DIP2B: variants seen among roughly 807,000 people sequenced by gnomAD.
DIP2B encodes the protein disco-interacting protein 2 homolog B.
A neutral mutation model predicts 198.0 loss-of-function variants in DIP2B; 76 were observed. That is an observed-to-expected ratio of 0.38 (90% confidence interval 0.32 to 0.46). The LOEUF (loss-of-function observed/expected upper bound fraction) is 0.46. Among genes scored for constraint, DIP2B ranks in the 20% least tolerant of loss-of-function variants. DIP2B has a pLI of 0.99. For missense variants in DIP2B, 1,559 were observed against 1,978.4 expected, an observed-to-expected ratio of 0.79 and a Z score of 4.02; for synonymous variants, 701 against 739.1, an observed-to-expected ratio of 0.95 and a Z score of 0.84.
chr12:50,648,702 C>G (rs10431535), intron 3 of DIP2B, among the ~76,000 whole-genome samples: 41,752 of 134,648 alleles, frequency 0.31, 6,219 homozygotes, highest in East Asian at 0.43. Flanking sequence ...GTTCTTCCCC[C>G]CCCCCTCCTT....
intron 11 of DIP2B, 122 bp downstream of exon 11, chr12:50,686,078 T>C (rs1939125568): frequency 1.9e-6 from 2 of 1,050,304 alleles, no homozygotes; most frequent in African/African-American, 1.6e-5. Context: ...CATAGTCTTA[T>C]GAAGTAGGTA....
chr12:50,638,472 T>G (rs758822879), intron 2 of DIP2B, among the ~76,000 whole-genome samples: 4 of 152,248 alleles, frequency 2.6e-5, no homozygotes, highest in Admixed American at 1.3e-4. Flanking sequence ...ATTACTTTAT[T>G]TGGACTGAAG....
intron 3 of DIP2B, among the ~76,000 whole-genome samples, chr12:50,642,703 G>A (rs1328952902): frequency 1.3e-5 from 2 of 152,228 alleles, no homozygotes; most frequent in East Asian, 3.9e-4. Flanking sequence ...GCAGGAGAAT[G>A]GCGTGAACCT....
At chr12:50,714,339 T>C in intron 22 of DIP2B, 56 bp from the exon 23 acceptor site, 1 of 1,596,624 alleles carries the variant, frequency 6.3e-7, no homozygotes, top group Non-Finnish European at 8.6e-7. Flanking sequence ...ATACCAGGAA[T>C]ATGTCAAATG....
chr12:50,610,651 G>A (rs1593654484), intron 1 of DIP2B, among the ~76,000 whole-genome samples: 2 of 151,872 alleles, frequency 1.3e-5, no homozygotes, highest in East Asian at 1.9e-4. Context: ...GAATACAGGC[G>A]CCCGCCGCCA....
At chr12:50,659,599 G>C (rs959966191) in intron 3 of DIP2B, among the ~76,000 whole-genome samples, 3 of 151,730 alleles carry the variant, frequency 2.0e-5, no homozygotes, top group Admixed American at 2.0e-4. Flanking sequence ...TGTTAATTTT[G>C]AGATTCCTAT....
rs200139900 is a variant in DIP2B at position 50,732,363 on chromosome 12, C to T, written c.3811-3C>T. ...TTGGCTCCCATATAATGGTGTCTTG[C>T]AGACCAGAGGGATCAACCTCTCCTG... On this transcript the variant is annotated splice_region_variant and splice_polypyrimidine_tract_variant and intron_variant, in intron 31 of 37. Coordinates refer to ENST00000301180, the MANE Select transcript of DIP2B (RefSeq NM_173602.3). The T allele has an allele frequency of 6.4e-5, 103 of 1,614,118 alleles. No homozygotes were observed. The highest frequency in any genetic ancestry group is 3.3e-4 in the Middle Eastern group (2 of 6,062).
chr12:50,544,089 G>A (rs142268946), intron 1 of DIP2B, among the ~76,000 whole-genome samples: 8,798 of 148,510 alleles, frequency 0.059, 330 homozygotes, highest in Non-Finnish European at 0.089. Flanking sequence ...TTAGCCAGGC[G>A]TGGTGGTTCG....
chr12:50,527,997 G>T (rs1323083860), intron 1 of DIP2B, among the ~76,000 whole-genome samples: 4 of 149,670 alleles, frequency 2.7e-5, no homozygotes, highest in Non-Finnish European at 1.5e-5. Context: ...GTGTAATCAC[G>T]GCTCACTGCA....
At chr12:50,708,981 A>G (rs577741341) in intron 22 of DIP2B, among the ~76,000 whole-genome samples, 6 of 152,332 alleles carry the variant, frequency 3.9e-5, no homozygotes, top group African/African-American at 1.2e-4. Context: ...GAGCTTTCCT[A>G]TGGGGCTAGA....
intron 2 of DIP2B, among the ~76,000 whole-genome samples, chr12:50,628,759 T>C (rs924400846): frequency 7.2e-5 from 11 of 152,360 alleles, no homozygotes; most frequent in African/African-American, 2.4e-4. Context: ...TTTTCTCAAA[T>C]GCTCACTTCT....
At chr12:50,709,926 A>G (rs1939584085) in intron 22 of DIP2B, among the ~76,000 whole-genome samples, 1 of 152,184 alleles carries the variant, frequency 6.6e-6, no homozygotes, top group South Asian at 2.1e-4. Context: ...CTATGGTCGC[A>G]CCTGTGAATA....
At chr12:50,525,076 G>C (rs1386640051) in intron 1 of DIP2B, among the ~76,000 whole-genome samples, 3 of 151,768 alleles carry the variant, frequency 2.0e-5, no homozygotes, top group African/African-American at 7.2e-5. Context: ...GGACAGAGAA[G>C]GCTGGGCACG....
chr12:50,524,940 A>G (rs1958149876), intron 1 of DIP2B, among the ~76,000 whole-genome samples: 1 of 152,124 alleles, frequency 6.6e-6, no homozygotes, highest in Non-Finnish European at 1.5e-5. Context: ...TTCCCAGGCT[A>G]GTCTCAAATT....
At chr12:50,593,691 T>TTTTCC (rs1555186179) in intron 1 of DIP2B, among the ~76,000 whole-genome samples, 7 of 88,902 alleles carry the variant, frequency 7.9e-5, no homozygotes, top group Non-Finnish European at 1.6e-4. Context: ...ATACACTCTT[T>TTTTCC]TCTCCTCTCC....
rs1023131275 is a variant in DIP2B, at chr12:50,635,348, T to C, written c.173-5376T>C. Among the ~76,000 whole-genome samples, 11 of 152,206 alleles carry C rather than the reference T, an allele frequency of 7.2e-5. No homozygotes were observed. In the East Asian group the frequency reaches 1.9e-3, roughly 27 times the overall value. On this transcript the variant is annotated intron_variant, in intron 2 of 37. Transcript: ENST00000301180. Reference sequence around the variant, plus strand: ...GACCTATATGTTTCTGCATTGTTTTTCCCCCAGATTCCTGCCTACTTATTT... The same window carrying C: ...GACCTATATGTTTCTGCATTGTTTTCCCCCCAGATTCCTGCCTACTTATTT...
At chr12:50,540,179 G>T (rs188714915) in intron 1 of DIP2B, among the ~76,000 whole-genome samples, 191 of 147,552 alleles carry the variant, frequency 1.3e-3, no homozygotes, top group Non-Finnish European at 1.8e-3. Flanking sequence ...CGTGATCTCG[G>T]CTCATTGCAT....
chr12:50,665,473 C>T (rs1055745571), intron 4 of DIP2B, among the ~76,000 whole-genome samples: 15 of 152,256 alleles, frequency 9.9e-5, no homozygotes, highest in African/African-American at 2.4e-4. Flanking sequence ...TTTATAGCCG[C>T]GACTCATGCC....
intron 1 of DIP2B, among the ~76,000 whole-genome samples, chr12:50,564,531 C>G (rs918637112): frequency 1.3e-5 from 2 of 152,106 alleles, no homozygotes; most frequent in African/African-American, 4.8e-5. Flanking sequence ...AAAGTGGTAT[C>G]TTAATGTTGT....
Sources: gnomAD v4.1 joint callset for allele counts (sites outside exome capture counted in the v4.1 genomes callset) on GRCh38, gnomAD v4.1.1 for gene constraint, MANE v1.5 for transcripts, NCBI Gene and HGNC (gene_info 2026-07-23, HGNC 2026-07-21) for gene names.